Variants in BMPR1B observed in about 807,000 individuals in gnomAD.
BMPR1B encodes bone morphogenetic protein receptor type 1B.
In BMPR1B, 12 loss-of-function variants were observed where a neutral mutation model predicts 59.1. The observed-to-expected ratio is 0.20, with a 90% CI of 0.13 to 0.33. The LOEUF (loss-of-function observed/expected upper bound fraction) is 0.33, where lower values mean the gene tolerates loss of function less well. Ranked by LOEUF, BMPR1B falls within the 10% of genes least tolerant of loss-of-function variation. BMPR1B has a pLI of 1.00. For missense variants in BMPR1B, 550 were observed against 610.9 expected (o/e 0.90, Z 1.05); for synonymous variants, 237 against 207.3 (o/e 1.14, Z -1.23).
intron 1 of BMPR1B, among the ~76,000 whole-genome samples, chr4:94,777,658 G>A (rs188105645): frequency 1.3e-5 from 2 of 152,184 alleles, no homozygotes; most frequent in Admixed American, 1.3e-4. Context: ...TTGTGAAAAG[G>A]CCCTTATATT....
intron 3 of BMPR1B, among the ~76,000 whole-genome samples, chr4:95,083,918 T>C (rs1729367819): frequency 6.6e-6 from 1 of 152,138 alleles, no homozygotes; most frequent in Non-Finnish European, 1.5e-5. Flanking sequence ...TCAAAGGAAA[T>C]GCAGGTTATT....
At chr4:95,129,213 A>G (rs1354829369) in intron 8 of BMPR1B, among the ~76,000 whole-genome samples, 1 of 152,180 alleles carries the variant, frequency 6.6e-6, no homozygotes, top group Non-Finnish European at 1.5e-5. Context: ...TAGCAAATTT[A>G]GTACCATTTG....
intron 2 of BMPR1B, among the ~76,000 whole-genome samples, chr4:94,982,106 A>G (rs1293228618): frequency 6.6e-6 from 1 of 152,224 alleles, no homozygotes; most frequent in Non-Finnish European, 1.5e-5. Context: ...TGTATTCCAG[A>G]ATGCACAGGG....
intron 10 of BMPR1B, among the ~76,000 whole-genome samples, chr4:95,144,802 C>A (rs930786181): frequency 2.1e-4 from 32 of 152,264 alleles, no homozygotes; most frequent in African/African-American, 7.5e-4. Context: ...AGAGAGAGAA[C>A]ATTTCTTCTG....
At chr4:94,974,996 A>G (rs1348069244) in intron 2 of BMPR1B, among the ~76,000 whole-genome samples, 1 of 152,200 alleles carries the variant, frequency 6.6e-6, no homozygotes, top group African/African-American at 2.4e-5. Context: ...ATAGCCCAAG[A>G]TATAGCCAGG....
At chr4:95,022,469 T>C (rs1724060177) in intron 3 of BMPR1B, among the ~76,000 whole-genome samples, 1 of 152,144 alleles carries the variant, frequency 6.6e-6, no homozygotes, top group African/African-American at 2.4e-5. Flanking sequence ...TTTGGCATGG[T>C]CAGCTTTTTT....
intron 1 of BMPR1B, among the ~76,000 whole-genome samples, chr4:94,842,383 A>G (rs1578708124): frequency 6.6e-6 from 1 of 152,268 alleles, no homozygotes; most frequent in South Asian, 2.1e-4. Context: ...AACACTGAAA[A>G]CTATTTGTTA....
chr4:94,826,550 A>G (rs1213164183), intron 1 of BMPR1B, among the ~76,000 whole-genome samples: 1 of 151,980 alleles, frequency 6.6e-6, no homozygotes, highest in East Asian at 1.9e-4. Flanking sequence ...AATCGTTGAA[A>G]TTCCTTTTAC....
chr4:95,063,138 A>T (rs1418182836), intron 3 of BMPR1B, among the ~76,000 whole-genome samples: 1 of 152,132 alleles, frequency 6.6e-6, no homozygotes, highest in Non-Finnish European at 1.5e-5. Flanking sequence ...CAAAATAATA[A>T]AAAAAGATCT....
intron 1 of BMPR1B, among the ~76,000 whole-genome samples, chr4:94,819,723 A>G (rs1724136406): frequency 6.6e-6 from 1 of 152,228 alleles, no homozygotes. Flanking sequence ...TTTCAAGTAC[A>G]TGCTGACAGG....
At chr4:94,923,895 G>T (rs1578807219) in intron 2 of BMPR1B, among the ~76,000 whole-genome samples, 3 of 152,066 alleles carry the variant, frequency 2.0e-5, no homozygotes, top group Admixed American at 1.3e-4. Context: ...ACTTGGACTG[G>T]GTCTTAGGAA....
At chr4:95,119,181 A>G (rs1271997621) in intron 6 of BMPR1B, among the ~76,000 whole-genome samples, 1 of 152,216 alleles carries the variant, frequency 6.6e-6, no homozygotes, top group East Asian at 1.9e-4. Context: ...TTGGTTGAGT[A>G]TCTAGCATTC....
intron 2 of BMPR1B, among the ~76,000 whole-genome samples, chr4:94,890,659 G>T (rs1424939356): frequency 2.6e-5 from 4 of 152,050 alleles, no homozygotes; most frequent in African/African-American, 9.7e-5. Flanking sequence ...AAATCAGGAT[G>T]CTAACATGGT....
intron 1 of BMPR1B, among the ~76,000 whole-genome samples, chr4:94,763,056 C>T (rs925454850): frequency 2.0e-5 from 3 of 152,026 alleles, no homozygotes; most frequent in Non-Finnish European, 4.4e-5. Context: ...TATAGTATGT[C>T]CTAGGAAGTG....
chr4:94,982,764 G>A (rs902795073), intron 2 of BMPR1B, among the ~76,000 whole-genome samples: 1 of 151,938 alleles, frequency 6.6e-6, no homozygotes, highest in African/African-American at 2.4e-5. Flanking sequence ...AGGCTGAGGC[G>A]GGCGGATCAG....
At chr4:95,102,957 G>T (rs1730929737) in intron 3 of BMPR1B, among the ~76,000 whole-genome samples, 1 of 152,046 alleles carries the variant, frequency 6.6e-6, no homozygotes, top group Non-Finnish European at 1.5e-5. Context: ...CTGTGGCTGG[G>T]GTGGGATTCT....
chr4:94,882,271 T>C (rs1727003164), intron 2 of BMPR1B, among the ~76,000 whole-genome samples: 1 of 152,264 alleles, frequency 6.6e-6, no homozygotes, highest in Non-Finnish European at 1.5e-5. Context: ...TTTTGTGTTT[T>C]TTCTCTTCTA....
chr4:94,760,261 C>T (rs1721707964), intron 1 of BMPR1B, among the ~76,000 whole-genome samples: 1 of 152,116 alleles, frequency 6.6e-6, no homozygotes, highest in African/African-American at 2.4e-5. Flanking sequence ...TCTGAAATTC[C>T]CTGTTAGATT....
chr4:95,133,888 T>G (rs1733567822), intron 10 of BMPR1B, among the ~76,000 whole-genome samples: 1 of 151,360 alleles, frequency 6.6e-6, no homozygotes, highest in Non-Finnish European at 1.5e-5. Flanking sequence ...GTTTTTTTTT[T>G]CATTATACTT....
Sources: allele counts gnomAD v4.1 joint callset (sites outside exome capture counted in the v4.1 genomes callset), GRCh38; gene constraint gnomAD v4.1.1; transcripts MANE v1.5; gene names NCBI Gene and HGNC (gene_info 2026-07-23, HGNC 2026-07-21).